Variants in FGF13 observed in about 807,000 individuals in gnomAD.
The protein encoded by FGF13 is fibroblast growth factor 13.
A neutral mutation model predicts 19.5 loss-of-function variants in FGF13; 2 were observed. That is an observed-to-expected ratio of 0.10 (90% CI 0.04 to 0.32). FGF13 has a LOEUF of 0.32. FGF13 is among the 10% of genes least tolerant of loss of function. The probability of loss-of-function intolerance (pLI) is 1.00; values close to 1 mark genes in which losing one functional copy is unlikely to be tolerated. For missense variants in FGF13, 113 were observed against 192.7 expected, an observed-to-expected ratio of 0.59 and a Z score of 2.45; for synonymous variants, 72 against 76.9, an observed-to-expected ratio of 0.94 and a Z score of 0.33.
At chrX:138,842,962 G>T (rs1159554711) in intron 3 of FGF13, among the ~76,000 whole-genome samples, 1 of 111,803 alleles carries the variant, frequency 8.9e-6, no homozygotes, top group African/African-American at 3.2e-5. Flanking sequence ...TCTCACTTGT[G>T]CTTCTCATGA....
chrX:138,694,451 CTT>C (rs755524415), intron 3 of FGF13, among the ~76,000 whole-genome samples: 2 of 88,277 alleles, frequency 2.3e-5, no homozygotes, highest in Non-Finnish European at 4.5e-5. Context: ...CTTTTCTTTT[CTT>C]TTTTTTTTTT....
chrX:138,930,967 A>T (rs1042339231), intron 1 of FGF13, among the ~76,000 whole-genome samples: 2 of 112,714 alleles, frequency 1.8e-5, no homozygotes, highest in Non-Finnish European at 3.7e-5. Flanking sequence ...ATGAACAGAA[A>T]GGATGGAAGA....
intron 3 of FGF13, among the ~76,000 whole-genome samples, chrX:138,699,217 T>C (rs1317111633): frequency 6.3e-5 from 7 of 111,645 alleles, no homozygotes; most frequent in African/African-American, 2.3e-4. Flanking sequence ...TCTCTTTGTC[T>C]CCTATTAGAG....
At chrX:138,921,163 C>A (rs1440434178) in intron 1 of FGF13, among the ~76,000 whole-genome samples, 4 of 111,828 alleles carry the variant, frequency 3.6e-5, no homozygotes, top group Non-Finnish European at 3.8e-5. Flanking sequence ...TATTTACCTA[C>A]CAAACCACTA....
At chrX:138,781,363 T>G (rs1383092561) in intron 3 of FGF13, among the ~76,000 whole-genome samples, 3 of 110,254 alleles carry the variant, frequency 2.7e-5, no homozygotes, top group Non-Finnish European at 5.7e-5. Flanking sequence ...CTTCAAAAAA[T>G]TAATGAATCC....
downstream of FGF13, among the ~76,000 whole-genome samples, chrX:138,852,755 A>G: frequency 8.9e-6 from 1 of 111,937 alleles, no homozygotes; most frequent in Non-Finnish European, 1.9e-5. Flanking sequence ...AACTATCATC[A>G]GAGTGAACAA....
chrX:138,739,023 C>T (rs985007459), intron 1 of FGF13, among the ~76,000 whole-genome samples: 1 of 104,873 alleles, frequency 9.5e-6, no homozygotes, highest in East Asian at 3.0e-4. Context: ...TAAATTCCTC[C>T]CAGAAAAAAA....
chrX:138,961,986 T>A (rs1448791851), intron 1 of FGF13, among the ~76,000 whole-genome samples: 2 of 111,547 alleles, frequency 1.8e-5, no homozygotes, highest in African/African-American at 3.3e-5. Flanking sequence ...AAGCCAAAAT[T>A]GACAAATGGG....
rs1380901952 is a variant in FGF13 at position 138,984,548 on chromosome X, G to C, written c.-112-119898C>G. On this transcript the variant is annotated intron_variant, in intron 1 of 2. Transcript: ENST00000421460. Reference sequence around the variant, plus strand: ...GGAAGAAGAAGAAGAAGAAGAAGAAGAAGAAGAAGAAGAAGAAGAAGAAGA... The same window carrying C: ...GGAAGAAGAAGAAGAAGAAGAAGAACAAGAAGAAGAAGAAGAAGAAGAAGA... Among the ~76,000 whole-genome samples the C allele has an allele frequency of 1.1e-3, 39 of 35,247 alleles. 3 individuals are homozygous for C. The highest frequency in any genetic ancestry group is 3.0e-3 in the African/African-American group (29 of 9,789). 30.6% of individuals were successfully genotyped at this position (35,247 alleles called of 115,157 possible).
intron 1 of FGF13, among the ~76,000 whole-genome samples, chrX:138,969,793 C>T (rs1260308239): frequency 1.8e-5 from 2 of 111,866 alleles, no homozygotes; most frequent in Non-Finnish European, 3.8e-5. Flanking sequence ...ATAAAGCCAC[C>T]TGACTCAATG....
chrX:139,149,583 C>G (rs751208030), intron 1 of FGF13, among the ~76,000 whole-genome samples: 11 of 111,949 alleles, frequency 9.8e-5, no homozygotes, highest in African/African-American at 3.6e-4. Flanking sequence ...TTTCCCCAAC[C>G]AAAAGTTAAT....
Position 139,177,696 on chromosome X carries a change from C to T in FGF13, c.-113+25720G>A, listed in dbSNP as rs181011918. ...GGGTGGGATCCGGGCAGCTAGACCA[C>T]CTAGCTCCCTGGCTTCAGCCCTTTT... On this transcript the variant is annotated intron_variant, in intron 1 of 2. Coordinates refer to the FGF13 transcript ENST00000421460. Among the ~76,000 whole-genome samples, 372 of 111,586 alleles carry T rather than the reference C, an allele frequency of 3.3e-3. 3 individuals carry two copies. Among genetic ancestry groups the T allele is most frequent in the African/African-American group, 0.011 (350 of 30,680 alleles).
At chrX:138,760,242 A>G (rs2090458167) in intron 3 of FGF13, among the ~76,000 whole-genome samples, 1 of 112,127 alleles carries the variant, frequency 8.9e-6, no homozygotes, top group Admixed American at 9.5e-5. Context: ...CAGTCATCCT[A>G]AACAGAATAA....
intron 1 of FGF13, among the ~76,000 whole-genome samples, chrX:138,993,224 C>T (rs898569608): frequency 2.7e-5 from 3 of 111,193 alleles, no homozygotes; most frequent in African/African-American, 9.8e-5. Flanking sequence ...AGATCCTTGA[C>T]CAGGAAAGGA....
intron 1 of FGF13, among the ~76,000 whole-genome samples, chrX:139,148,313 C>A (rs147021482): frequency 9.0e-6 from 1 of 111,671 alleles, no homozygotes; most frequent in African/African-American, 3.3e-5. Context: ...ACAGAACACA[C>A]ACCTGCCTAT....
intron 1 of FGF13, among the ~76,000 whole-genome samples, chrX:138,906,749 T>C (rs1352871862): frequency 9.0e-6 from 1 of 111,005 alleles, no homozygotes; most frequent in African/African-American, 3.3e-5. Flanking sequence ...AGGCTATTGG[T>C]ATAGCATGCA....
upstream of FGF13, chrX:138,716,168 A>G (rs1404468858): frequency 8.9e-6 from 1 of 112,237 alleles, no homozygotes; most frequent in Non-Finnish European, 1.9e-5. Flanking sequence ...CAGTTCACCA[A>G]AATATCTGAG....
intron 3 of FGF13, among the ~76,000 whole-genome samples, chrX:138,665,212 C>G (rs779246375): frequency 2.7e-5 from 3 of 111,474 alleles, no homozygotes; most frequent in African/African-American, 9.7e-5. Context: ...AGGCTGTCTG[C>G]TTCTCCTTGA....
At chrX:138,739,405 T>C (rs1187381156), upstream of FGF13, 1 of 572,459 alleles carries the variant, frequency 1.7e-6, no homozygotes, top group Non-Finnish European at 2.7e-6. Flanking sequence ...ATCAAGCCCA[T>C]ACTCTCAGTA....
Sources: gnomAD v4.1 joint callset for allele counts (sites outside exome capture counted in the v4.1 genomes callset) on GRCh38, gnomAD v4.1.1 for gene constraint, MANE v1.5 for transcripts, NCBI Gene and HGNC (gene_info 2026-07-23, HGNC 2026-07-21) for gene names.